The following POLR3E variants were observed in gnomAD, a reference collection of about 807,000 sequenced individuals.
POLR3E encodes RNA polymerase III subunit E, also known as DNA-directed RNA polymerase III subunit RPC5.
Under a neutral mutation model 96.6 loss-of-function variants are expected in POLR3E, and 41 were observed. That is an observed-to-expected ratio of 0.42 (90% CI 0.33 to 0.55). The LOEUF (loss-of-function observed/expected upper bound fraction) is 0.55. Among genes scored for constraint, POLR3E ranks in the 20% least tolerant of loss-of-function variants. The pLI is 0.06. For synonymous variants in POLR3E, 396 were observed against 383.6 expected, an observed-to-expected ratio of 1.03 and a Z score of -0.38; for missense variants, 849 against 952.1, an observed-to-expected ratio of 0.89 and a Z score of 1.43.
intron 7 of POLR3E, 21 bp from the exon 8 acceptor site, chr16:22,314,058 A>C: frequency 6.2e-7 from 1 of 1,611,138 alleles, no homozygotes; most frequent in Non-Finnish European, 8.5e-7. Context: ...GACTGCAGTC[A>C]GTGGCTTGTC....
At chr16:22,329,217 C>T (rs2048682288) in intron 19 of POLR3E, 2 of 152,202 alleles carry the variant, frequency 1.3e-5, no homozygotes, top group Non-Finnish European at 2.9e-5. Flanking sequence ...ACTGGTGAAG[C>T]ACATTTCTCA....
intron 19 of POLR3E, 79 bp downstream of exon 19, chr16:22,328,666 C>T (rs974971609): frequency 7.1e-6 from 8 of 1,131,858 alleles, no homozygotes; most frequent in Non-Finnish European, 1.1e-5. Context: ...GGGACATGTG[C>T]ACCCAAAGTG....
intron 19 of POLR3E, chr16:22,328,801 G>C (rs1055677969): frequency 4.3e-5 from 23 of 538,308 alleles, no homozygotes; most frequent in Non-Finnish European, 6.8e-5. Flanking sequence ...CCAGATGCCA[G>C]TCTGTGAGCC....
chr16:22,310,385 C>G (rs2048220644), intron 6 of POLR3E: 1 of 152,660 alleles, frequency 6.6e-6, no homozygotes, highest in Non-Finnish European at 1.5e-5. Flanking sequence ...CTCCTGGGTT[C>G]AAGCGATTCT....
At position 22,316,642 on chromosome 16, in the gene POLR3E, C is replaced by T. The variant is rs570187300; in HGVS notation, c.684C>T (p.Pro228=). The change falls in exon 10 of 21, where the codon CCC becomes CCT. Residue 228 remains proline, a synonymous_variant. Transcript: ENST00000299853. ...ATGAGCGTCAGTACCTGCTGTGCCC[C>T]GGCTCAAGCGGGGTGGAGAACACGG... ...SEHERQYLLC[P]GSSGVENTEL... 34 of 1,614,030 alleles carry T rather than the reference C, an allele frequency of 2.1e-5. No homozygotes were observed. The highest frequency in any genetic ancestry group is 1.3e-4 in the East Asian group (6 of 44,878).
rs2048410834 is a variant in POLR3E at position 22,318,783 on chromosome 16, CCGGCCCCTCT to C, written c.866-42_866-33del. ...CTCTCGGTGGAGGGGAGGGAAGGGC[CCGGCCCCTCT>C]TCCTTGTCTGATGTCTCCTGCGTCC... On this transcript the variant is annotated intron_variant, in intron 12 of 20. Transcript: ENST00000299853. This position sits in a 1 kb window ranked among gnomAD's most constrained non-coding sequence, Gnocchi z 5.0. 2 of 1,589,730 alleles carry C rather than the reference CCGGCCCCTCT, an allele frequency of 1.3e-6. No homozygotes were observed. The highest frequency in any genetic ancestry group is 2.7e-5 in the African/African-American group (2 of 73,176).
At position 22,308,191 on chromosome 16, in the gene POLR3E, A is replaced by C; in HGVS notation, c.131A>C (p.His44Pro). The C allele has an allele frequency of 6.2e-7, 1 of 1,613,470 alleles. No homozygotes were observed. Among genetic ancestry groups the C allele is most frequent in the Non-Finnish European group, 8.5e-7 (1 of 1,179,676 alleles). Residue 44 changes from histidine (H) to proline (P), a missense_variant, in exon 4 of 21, where the codon CAC (histidine) becomes CCC (proline). Physicochemically the swap from His to Pro is moderately conservative, Grantham distance 77 (BLOSUM62 -2). Coordinates refer to ENST00000299853, the MANE Select transcript of POLR3E (RefSeq NM_018119.4). ...PASMTYDDIP[H>P]LSAKIKPKQQ... ...TCGATGACCTACGATGACATTCCGC[A>C]CCTCTCAGCCAAGATCAAGCCCAAG... is the stretch of plus-strand genomic sequence containing the variant.
chr16:22,328,258 C>T (rs554982257), intron 18 of POLR3E: 16 of 510,092 alleles, frequency 3.1e-5, no homozygotes, highest in African/African-American at 2.3e-4. Context: ...GGGCATTTCA[C>T]TGGGCCCATC....
chr16:22,320,594 C>T (rs1164373122), intron 13 of POLR3E, among the ~76,000 whole-genome samples: 1 of 152,104 alleles, frequency 6.6e-6, no homozygotes, highest in Non-Finnish European at 1.5e-5. Context: ...GTTTTCAGCC[C>T]CATAAGACAT....
chr16:22,298,171 T>G (rs1315458551), intron 1 of POLR3E, among the ~76,000 whole-genome samples: 1 of 152,230 alleles, frequency 6.6e-6, no homozygotes, highest in East Asian at 1.9e-4. Flanking sequence ...AGGTCGTTCC[T>G]TTGGGTTAGC....
At chr16:22,317,228 A>AC in intron 12 of POLR3E, 22 bp downstream of exon 12, 1 of 1,581,996 alleles carries the variant, frequency 6.3e-7, no homozygotes, top group Non-Finnish European at 8.6e-7. Flanking sequence ...CCCCCTGCCC[A>AC]CCCGGGGGCC....
At chr16:22,303,639 C>CTTTTTTTTTTTTTTTTTT (rs58949663) in intron 2 of POLR3E, among the ~76,000 whole-genome samples, 48 of 114,216 alleles carry the variant, frequency 4.2e-4, no homozygotes, top group Middle Eastern at 4.2e-3. Context: ...GCAGATTTCC[C>CTTTTTTTTTTTTTTTTTT]TTTTTTTTTT....
chr16:22,317,666 T>G (rs1345257996), intron 12 of POLR3E, among the ~76,000 whole-genome samples: 1 of 137,608 alleles, frequency 7.3e-6, no homozygotes, highest in Non-Finnish European at 1.5e-5. Flanking sequence ...GTTGTTGTTG[T>G]TTTTTTTTTT....
intron 19 of POLR3E, chr16:22,331,768 T>G (rs2048745843): frequency 3.9e-6 from 1 of 255,688 alleles, no homozygotes; most frequent in Non-Finnish European, 7.7e-6. Context: ...CCACTCATCC[T>G]CTCATGTCTC....
chr16:22,319,607 G>A (rs2048430098), intron 13 of POLR3E, among the ~76,000 whole-genome samples: 2 of 152,012 alleles, frequency 1.3e-5, no homozygotes, highest in South Asian at 4.1e-4. Context: ...CACTGTGTTA[G>A]CCAAGATGGT....
At chr16:22,308,618 G>T in intron 4 of POLR3E, 1 of 450,734 alleles carries the variant, frequency 2.2e-6, no homozygotes, top group East Asian at 3.9e-5. Flanking sequence ...TTCAAGAGAA[G>T]TGGGAAATAA....
chr16:22,315,931 G>A (rs920374715), intron 9 of POLR3E, among the ~76,000 whole-genome samples: 3 of 152,156 alleles, frequency 2.0e-5, no homozygotes, highest in African/African-American at 4.8e-5. Context: ...GGCTCCCTAA[G>A]TGCTGGGATT....
At chr16:22,323,154 A>G (rs2048505871) in intron 14 of POLR3E, among the ~76,000 whole-genome samples, 1 of 152,146 alleles carries the variant, frequency 6.6e-6, no homozygotes, top group Admixed American at 6.5e-5. Context: ...TGGGTCAAGA[A>G]GCACGTTTCA....
chr16:22,331,956 G>T, intron 19 of POLR3E, 104 bp from the exon 20 acceptor site: 1 of 1,178,732 alleles, frequency 8.5e-7, no homozygotes, highest in Non-Finnish European at 1.2e-6. Flanking sequence ...GTTTTTATCA[G>T]AGACTGCAAC....
Sources: gnomAD v4.1 joint callset for allele counts (sites outside exome capture counted in the v4.1 genomes callset) on GRCh38, gnomAD v4.1.1 for gene constraint, Gnocchi (gnomAD v3.1) non-coding constraint, MANE v1.5 for transcripts, NCBI Gene and HGNC (gene_info 2026-07-23, HGNC 2026-07-21) for gene names.